The following PTPRM variants were observed in gnomAD, a reference collection of about 807,000 sequenced individuals.
The protein encoded by PTPRM is receptor-type tyrosine-protein phosphatase mu.
A neutral mutation model predicts 186.7 loss-of-function variants in PTPRM; 47 were observed. That is an observed-to-expected ratio of 0.25 (90% CI 0.20 to 0.32). The LOEUF is 0.32. Among genes scored for constraint, PTPRM ranks in the 10% least tolerant of loss-of-function variants. The probability of loss-of-function intolerance (pLI) is 1.00; values close to 1 mark genes in which losing one functional copy is unlikely to be tolerated. For missense variants in PTPRM, 1,494 were observed against 1,865.0 expected (o/e 0.80, Z 3.66); for synonymous variants, 668 against 674.9 (o/e 0.99, Z 0.16).
chr18:7,699,073 C>T (rs8084932), intron 1 of PTPRM, among the ~76,000 whole-genome samples: 13 of 152,066 alleles, frequency 8.5e-5, no homozygotes, highest in Non-Finnish European at 1.9e-4. Flanking sequence ...GTCAGATCAG[C>T]GGCAGCATTA....
chr18:7,720,071 C>T (rs2040418084), intron 1 of PTPRM, among the ~76,000 whole-genome samples: 1 of 152,080 alleles, frequency 6.6e-6, no homozygotes, highest in African/African-American at 2.4e-5. Flanking sequence ...TCCTGGAGGG[C>T]CCACAAGTAG....
intron 14 of PTPRM, among the ~76,000 whole-genome samples, chr18:8,215,700 G>T (rs1353161701): frequency 6.6e-6 from 1 of 151,550 alleles, no homozygotes; most frequent in Non-Finnish European, 1.5e-5. Flanking sequence ...ATGCCACTAG[G>T]CTCAGCTACT....
At chr18:7,656,495 T>A (rs2038852152) in intron 1 of PTPRM, among the ~76,000 whole-genome samples, 1 of 151,830 alleles carries the variant, frequency 6.6e-6, no homozygotes, top group African/African-American at 2.4e-5. Context: ...ATGAAAAGAG[T>A]TCTGGTGGCG....
At chr18:8,152,797 A>T (rs1407990585) in intron 14 of PTPRM, among the ~76,000 whole-genome samples, 1 of 142,458 alleles carries the variant, frequency 7.0e-6, no homozygotes, top group East Asian at 2.1e-4. Flanking sequence ...AGCTCACTGC[A>T]ACCTCCGCCT....
At chr18:8,138,342 T>G (rs953897066) in intron 13 of PTPRM, among the ~76,000 whole-genome samples, 9 of 151,984 alleles carry the variant, frequency 5.9e-5, no homozygotes, top group Non-Finnish European at 5.9e-5. Flanking sequence ...CCATCAGGAT[T>G]GCTCTCACTG....
chr18:8,135,261 A>G (rs916592365), intron 13 of PTPRM, among the ~76,000 whole-genome samples: 3 of 152,182 alleles, frequency 2.0e-5, no homozygotes, highest in African/African-American at 7.2e-5. Flanking sequence ...AAATAGTGCA[A>G]TCAATGATGG....
chr18:8,280,332 C>T (rs1347756916), intron 19 of PTPRM, among the ~76,000 whole-genome samples: 2 of 150,720 alleles, frequency 1.3e-5, no homozygotes, highest in African/African-American at 4.9e-5. Context: ...TTTGAAGGCC[C>T]CATCTCCAAA....
At chr18:7,638,916 C>T (rs543904835) in intron 1 of PTPRM, among the ~76,000 whole-genome samples, 6 of 152,294 alleles carry the variant, frequency 3.9e-5, no homozygotes, top group Admixed American at 6.5e-5. Context: ...TTTCTACAGG[C>T]AACAATTATT....
intron 14 of PTPRM, among the ~76,000 whole-genome samples, chr18:8,195,067 C>A (rs779964565): frequency 4.6e-5 from 7 of 151,498 alleles, no homozygotes; most frequent in Non-Finnish European, 8.8e-5. Context: ...CCTCTCAAAA[C>A]TACAGAATTG....
chr18:7,995,589 TC>T (rs2083491226), intron 7 of PTPRM: 1 of 152,178 alleles, frequency 6.6e-6, no homozygotes, highest in Non-Finnish European at 1.5e-5. Flanking sequence ...CTTTCAGGGA[TC>T]ATTTCTATAG....
intron 1 of PTPRM, among the ~76,000 whole-genome samples, chr18:7,712,698 A>G (rs1182223140): frequency 1.3e-5 from 2 of 152,048 alleles, no homozygotes; most frequent in African/African-American, 4.8e-5. Context: ...ACTGAAAAAC[A>G]CAGCACGAGA....
chr18:8,029,812 T>C (rs117802233), intron 7 of PTPRM, among the ~76,000 whole-genome samples: 541 of 152,302 alleles, frequency 3.6e-3, no homozygotes, highest in Admixed American at 8.9e-3. Context: ...AATTGAGTGT[T>C]TTCCTCCTGA....
chr18:8,350,563 G>T (rs143005356), intron 23 of PTPRM, among the ~76,000 whole-genome samples: 2 of 152,236 alleles, frequency 1.3e-5, no homozygotes, highest in Admixed American at 6.5e-5. Flanking sequence ...CATCCTGGTG[G>T]TCTTTTAGAC....
intron 7 of PTPRM, among the ~76,000 whole-genome samples, chr18:8,050,642 G>A (rs1390088409): frequency 2.0e-5 from 3 of 152,110 alleles, no homozygotes; most frequent in Non-Finnish European, 2.9e-5. Flanking sequence ...CAGCATATAC[G>A]TATATCAAGT....
intron 1 of PTPRM, among the ~76,000 whole-genome samples, chr18:7,754,298 C>T (rs1568081524): frequency 6.6e-6 from 1 of 152,160 alleles, no homozygotes; most frequent in Non-Finnish European, 1.5e-5. Flanking sequence ...TAAAGAGACC[C>T]TGTGCAATTA....
intron 14 of PTPRM, among the ~76,000 whole-genome samples, chr18:8,227,373 A>G (rs997013760): frequency 8.0e-6 from 1 of 124,788 alleles, no homozygotes; most frequent in Non-Finnish European, 1.7e-5. Context: ...AACAGGAAGT[A>G]TTTACTCACA....
chr18:8,201,884 A>G (rs781109315), intron 14 of PTPRM, among the ~76,000 whole-genome samples: 5 of 152,206 alleles, frequency 3.3e-5, no homozygotes, highest in Non-Finnish European at 7.3e-5. Flanking sequence ...ATTTCATTTC[A>G]ACATCATTGG....
chr18:8,002,290 A>G (rs763382739), intron 7 of PTPRM, among the ~76,000 whole-genome samples: 1 of 152,214 alleles, frequency 6.6e-6, no homozygotes, highest in Non-Finnish European at 1.5e-5. Context: ...AATGTTCAGA[A>G]GGGAATGAAG....
intron 1 of PTPRM, among the ~76,000 whole-genome samples, chr18:7,758,793 G>A (rs2041630080): frequency 6.6e-6 from 1 of 152,162 alleles, no homozygotes. Context: ...GGAGAAAAAT[G>A]AGATTGATAC....
Sources: allele counts gnomAD v4.1 joint callset (sites outside exome capture counted in the v4.1 genomes callset), GRCh38; gene constraint gnomAD v4.1.1; transcripts MANE v1.5; gene names NCBI Gene and HGNC (gene_info 2026-07-23, HGNC 2026-07-21).